GPATCH8: variants seen among roughly 807,000 people sequenced by gnomAD.
The protein encoded by GPATCH8 is G patch domain-containing protein 8.
GPATCH8 carries 18 observed loss-of-function variants against 118.3 expected under a neutral mutation model. That is an observed-to-expected ratio of 0.15 (90% CI 0.11 to 0.23). GPATCH8 has a LOEUF of 0.23. Among genes scored for constraint, GPATCH8 ranks in the 10% least tolerant of loss-of-function variants. GPATCH8 has a pLI of 1.00. For missense variants in GPATCH8, 1,631 were observed against 1,873.8 expected (o/e 0.87, Z 2.39); for synonymous variants, 659 against 684.7 (o/e 0.96, Z 0.59).
intron 1 of GPATCH8, among the ~76,000 whole-genome samples, chr17:44,498,196 T>C (rs1478622208): frequency 6.6e-6 from 1 of 152,170 alleles, no homozygotes; most frequent in African/African-American, 2.4e-5. Context: ...GTGTTACATG[T>C]ATAGAAGAAA....
At chr17:44,431,571 G>C (rs961753959) in intron 5 of GPATCH8, among the ~76,000 whole-genome samples, 11 of 107,076 alleles carry the variant, frequency 1.0e-4, no homozygotes, top group Non-Finnish European at 2.2e-4. Context: ...AAAATAACAA[G>C]AATGTCAAAT....
At chr17:44,479,528 A>G (rs1025908955) in intron 1 of GPATCH8, among the ~76,000 whole-genome samples, 2 of 152,234 alleles carry the variant, frequency 1.3e-5, no homozygotes, top group African/African-American at 4.8e-5. Context: ...TTGAATAAAA[A>G]AAGAACCCAA....
At chr17:44,500,632 T>C (rs1440282432) in intron 1 of GPATCH8, among the ~76,000 whole-genome samples, 3 of 152,208 alleles carry the variant, frequency 2.0e-5, no homozygotes, top group Non-Finnish European at 4.4e-5. Flanking sequence ...AGTGAAGTTC[T>C]ACAACTTTAA....
At chr17:44,444,481 A>C (rs1403155522) in intron 3 of GPATCH8, among the ~76,000 whole-genome samples, 1 of 149,496 alleles carries the variant, frequency 6.7e-6, no homozygotes. Flanking sequence ...TAGTTTAAAG[A>C]AAAAAAAAAG....
chr17:44,445,895 G>C (rs1287819622), intron 3 of GPATCH8: 2 of 152,136 alleles, frequency 1.3e-5, no homozygotes, highest in Admixed American at 6.5e-5. Flanking sequence ...CTGAATTACA[G>C]TTCTGTCACT....
Position 44,398,322 on chromosome 17 carries a change from G to A in GPATCH8, c.3755C>T (p.Thr1252Ile). The A allele has an allele frequency of 6.2e-7, 1 of 1,614,068 alleles. No homozygotes were observed. Among genetic ancestry groups the A allele is most frequent in the Non-Finnish European group, 8.5e-7 (1 of 1,179,970 alleles). The change falls in exon 8 of 8, where the codon ACC becomes ATC. Residue 1252 changes from threonine to isoleucine, a missense_variant. Transcript: ENST00000591680. Reference sequence around the variant, plus strand: ...ACTGCTGCTATCCAGGGACTCCAGGGTGTCCCCATCACTGGGGTCGGGGAG... The same window carrying A: ...ACTGCTGCTATCCAGGGACTCCAGGATGTCCCCATCACTGGGGTCGGGGAG... Reference protein sequence around the residue: ...NYLPDPSDGDTLESLDSSSQP... With the variant: ...NYLPDPSDGDILESLDSSSQP...
chr17:44,457,171 A>T (rs1174752933), intron 3 of GPATCH8, among the ~76,000 whole-genome samples: 1 of 152,150 alleles, frequency 6.6e-6, no homozygotes, highest in Non-Finnish European at 1.5e-5. Context: ...CCCAAATTTT[A>T]AAAATATAGT....
At chr17:44,480,110 C>CA (rs1474380700) in intron 1 of GPATCH8, among the ~76,000 whole-genome samples, 1 of 151,872 alleles carries the variant, frequency 6.6e-6, no homozygotes, top group Non-Finnish European at 1.5e-5. Context: ...ACAAAATTCT[C>CA]AAAAGAGGGG....
intron 3 of GPATCH8, among the ~76,000 whole-genome samples, chr17:44,463,470 T>G (rs2144293557): frequency 6.6e-6 from 1 of 152,298 alleles, no homozygotes; most frequent in Non-Finnish European, 1.5e-5. Flanking sequence ...CACTGCAACC[T>G]CCGCCTTCCA....
rs986046058 is a variant in GPATCH8 at position 44,396,384 on chromosome 17, C to A, written c.*1184G>T. ...TAAAGATGAGCATCCCTCAGAAGCC[C>A]CCAGCTGACTGCTGCCCATTAGCTC... On this transcript the variant is annotated 3_prime_UTR_variant, in exon 8 of 8. Coordinates refer to ENST00000591680, the MANE Select transcript of GPATCH8 (RefSeq NM_001002909.4). The A allele has an allele frequency of 4.4e-6, 2 of 454,446 alleles. No individual in the cohort carries two copies. The highest frequency in any genetic ancestry group is 8.8e-6 in the Non-Finnish European group (2 of 226,776). The allele number at this position is 454,446 out of a possible 1,614,324, so 28.2% of individuals were successfully genotyped here.
chr17:44,458,177 G>A lies in GPATCH8; in HGVS notation c.193+6295C>T, dbSNP rs187576088. On this transcript the variant is annotated intron_variant, in intron 3 of 7. Coordinates refer to ENST00000591680, the MANE Select transcript of GPATCH8 (RefSeq NM_001002909.4). Reference sequence around the variant, plus strand: ...AAGGCAGGAGGATCACTTGAGCCCAGGAGATCAAGGCTGCAGTGAGCTATG... The same window carrying A: ...AAGGCAGGAGGATCACTTGAGCCCAAGAGATCAAGGCTGCAGTGAGCTATG... 3.0e-3 allele frequency among the ~76,000 whole-genome samples: 455 copies of A among 151,156 alleles called. 4 individuals carry two copies. Among genetic ancestry groups the A allele is most frequent in the African/African-American group, 0.011 (436 of 41,212 alleles).
intron 3 of GPATCH8, among the ~76,000 whole-genome samples, chr17:44,444,655 C>T (rs886759760): frequency 1.3e-5 from 2 of 152,088 alleles, no homozygotes; most frequent in African/African-American, 4.8e-5. Flanking sequence ...TTCCTGTAAT[C>T]CCAGCTACTT....
In GPATCH8 at chr17:44,400,561, G is replaced by T; in HGVS notation, c.1516C>A (p.Gln506Lys). 6.2e-7 allele frequency: 1 copy of T among 1,614,016 alleles called. No individual in the cohort carries two copies. The highest frequency in any genetic ancestry group is 1.1e-5 in the South Asian group (1 of 91,066). The change falls in exon 8 of 8, where the codon CAA becomes AAA. Residue 506 changes from glutamine to lysine, a missense_variant. Around this residue, in one of 8 missense-constraint regions of GPATCH8, gnomAD observed 405 missense variants for 462.7 expected, o/e 0.88. Transcript: ENST00000591680. ...TTAGAAGAGTTGGACTCACACATTT[G>T]GGTCTCTGAAACCTTCTGACTATGA... ...ESHSQKVSETQMCESNSSKET... is the reference protein window; with the variant it reads ...ESHSQKVSETKMCESNSSKET...
At chr17:44,424,973 G>A (rs1399860187) in intron 5 of GPATCH8, among the ~76,000 whole-genome samples, 1 of 152,148 alleles carries the variant, frequency 6.6e-6, no homozygotes, top group Non-Finnish European at 1.5e-5. Context: ...GCTGGTCTCA[G>A]CGAGATTGAA....
chr17:44,459,293 T>C (rs969502781), intron 3 of GPATCH8, among the ~76,000 whole-genome samples: 14 of 152,336 alleles, frequency 9.2e-5, no homozygotes, highest in African/African-American at 3.4e-4. Flanking sequence ...TTATCTCTAA[T>C]TCAGTTAAAA....
chr17:44,434,978 A>T (rs2050448006), intron 5 of GPATCH8, 87 bp downstream of exon 5: 2 of 766,546 alleles, frequency 2.6e-6, no homozygotes, highest in Non-Finnish European at 4.9e-6. Flanking sequence ...TGCTGTTAGC[A>T]ACAGTGATGA....
chr17:44,493,141 C>T (rs570050524), intron 1 of GPATCH8, among the ~76,000 whole-genome samples: 20 of 146,588 alleles, frequency 1.4e-4, no homozygotes, highest in African/African-American at 4.7e-4. Context: ...CAACCTCTGC[C>T]TCCTGGGTTC....
At chr17:44,411,798 A>G (rs987601532) in intron 6 of GPATCH8, among the ~76,000 whole-genome samples, 7 of 152,214 alleles carry the variant, frequency 4.6e-5, no homozygotes, top group Non-Finnish European at 7.3e-5. Context: ...AGAGATGCGC[A>G]GTAAATATTT....
intron 3 of GPATCH8, among the ~76,000 whole-genome samples, chr17:44,449,445 C>G (rs185930829): frequency 2.0e-5 from 3 of 152,040 alleles, no homozygotes; most frequent in East Asian, 1.9e-4. Context: ...TCAAGCCATC[C>G]TCCCACCTCA....
Sources: gnomAD v4.1 joint callset for allele counts (sites outside exome capture counted in the v4.1 genomes callset) on GRCh38, gnomAD v4.1.1 for gene constraint, gnomAD v4.1.1 regional missense constraint, MANE v1.5 for transcripts, NCBI Gene and HGNC (gene_info 2026-07-23, HGNC 2026-07-21) for gene names.